Variants in ZNF385D observed in about 807,000 individuals in gnomAD.
ZNF385D encodes zinc finger protein 659.
In ZNF385D, 15 loss-of-function variants were observed where a neutral mutation model predicts 35.8. The ratio of observed to expected loss-of-function variants is 0.42; its 90% confidence interval spans 0.28 to 0.64. The LOEUF is 0.64. ZNF385D is among the 30% of genes least tolerant of loss of function. ZNF385D has a pLI of 0.23. For synonymous variants in ZNF385D, 212 were observed against 186.8 expected, an observed-to-expected ratio of 1.13 and a Z score of -1.10; for missense variants, 474 against 494.6, an observed-to-expected ratio of 0.96 and a Z score of 0.39.
At position 21,787,944 on chromosome 3, in the gene ZNF385D, C is replaced by CAAAAAAAAAAAAAAAAA. The variant is rs560982379; in HGVS notation, c.326-122933_326-122917dup. On this transcript the variant is annotated intron_variant, in intron 3 of 5. Transcript: ENST00000494108. Reference sequence around the variant, plus strand: ...GCGACAGAGCGAGACTTCGTCTCAACAAAAAAAAAAAAAAAAAAAAAAAAA... The same window carrying CAAAAAAAAAAAAAAAAA: ...GCGACAGAGCGAGACTTCGTCTCAACAAAAAAAAAAAAAAAAAAAAAAAAAAAAAAAAAAAAAAAAAA... Among the ~76,000 whole-genome samples, 26 of 75,378 alleles carry CAAAAAAAAAAAAAAAAA rather than the reference C, an allele frequency of 3.4e-4. 1 individual carries two copies. In the East Asian group the frequency reaches 4.0e-3, roughly 12 times the overall value. 49.5% of individuals were successfully genotyped at this position (75,378 alleles called of 152,430 possible). A position where few individuals can be genotyped will look rare whatever the true frequency, so the allele number is the denominator to read the frequency against.
intron 3 of ZNF385D, among the ~76,000 whole-genome samples, chr3:21,990,746 C>A (rs1043231159): frequency 1.3e-5 from 2 of 152,182 alleles, no homozygotes; most frequent in African/African-American, 2.4e-5. Context: ...TCTACAACAT[C>A]TACAGAAAAA....
intron 3 of ZNF385D, among the ~76,000 whole-genome samples, chr3:22,037,687 T>G (rs1460693998): frequency 6.6e-6 from 1 of 152,190 alleles, no homozygotes; most frequent in South Asian, 2.1e-4. Context: ...TAGTTTCTTT[T>G]GCTGTGCAGA....
At chr3:22,002,392 GA>G (rs1695896672) in intron 3 of ZNF385D, among the ~76,000 whole-genome samples, 1 of 152,056 alleles carries the variant, frequency 6.6e-6, no homozygotes, top group South Asian at 2.1e-4. Flanking sequence ...ACTGAAGCAG[GA>G]ATGAACAAAC....
intron 3 of ZNF385D, among the ~76,000 whole-genome samples, chr3:21,525,960 A>G (rs749965738): frequency 4.6e-5 from 7 of 152,074 alleles, no homozygotes; most frequent in Non-Finnish European, 1.0e-4. Context: ...GCATATATTA[A>G]CAATTTACTT....
intron 3 of ZNF385D, among the ~76,000 whole-genome samples, chr3:22,070,096 T>C (rs938591917): frequency 1.5e-4 from 23 of 152,194 alleles, no homozygotes; most frequent in African/African-American, 5.3e-4. Flanking sequence ...TAAAAACACA[T>C]TAATTTCCTA....
chr3:22,262,474 A>G (rs1178531763), intron 2 of ZNF385D, among the ~76,000 whole-genome samples: 1 of 152,006 alleles, frequency 6.6e-6, no homozygotes, highest in East Asian at 1.9e-4. Context: ...TTAAGAATAA[A>G]GAGAAAAAAT....
intron 2 of ZNF385D, among the ~76,000 whole-genome samples, chr3:22,286,576 G>C (rs1702035528): frequency 6.6e-6 from 1 of 151,998 alleles, no homozygotes; most frequent in African/African-American, 2.4e-5. Flanking sequence ...TTGACGCATT[G>C]CATAAGGCGA....
chr3:21,945,649 C>T (rs645017), intron 3 of ZNF385D, among the ~76,000 whole-genome samples: 41,157 of 151,902 alleles, frequency 0.27, 6,219 homozygotes, highest in Admixed American at 0.42. Context: ...AAACTTATTT[C>T]GTTGCTTTTA....
At chr3:21,775,717 G>A (rs116242871) in intron 3 of ZNF385D, among the ~76,000 whole-genome samples, 1,773 of 151,760 alleles carry the variant, frequency 0.012, 10 homozygotes, top group Middle Eastern at 0.045. Flanking sequence ...CAAAGTATTC[G>A]ATGACAGGAA....
intron 1 of ZNF385D, among the ~76,000 whole-genome samples, chr3:21,710,255 T>C (rs369268270): frequency 3.3e-5 from 5 of 152,208 alleles, no homozygotes; most frequent in East Asian, 3.8e-4. Context: ...TCAAAATTTA[T>C]AGGACTAAAG....
intron 3 of ZNF385D, among the ~76,000 whole-genome samples, chr3:21,973,534 C>T (rs1376714312): frequency 6.6e-6 from 1 of 151,930 alleles, no homozygotes; most frequent in East Asian, 1.9e-4. Context: ...ACTTTCACCA[C>T]TGTTATTCAA....
chr3:22,001,390 A>G (rs949951009), intron 3 of ZNF385D, among the ~76,000 whole-genome samples: 1 of 152,168 alleles, frequency 6.6e-6, no homozygotes, highest in Admixed American at 6.5e-5. Context: ...AGAGACAAAG[A>G]AAGTCATTAT....
intron 1 of ZNF385D, among the ~76,000 whole-genome samples, chr3:21,701,917 A>G (rs2067699024): frequency 6.6e-6 from 1 of 152,134 alleles, no homozygotes; most frequent in Non-Finnish European, 1.5e-5. Context: ...CCCCGTCTCT[A>G]TGGCTTTCCA....
chr3:21,550,527 G>T (rs1393452973), intron 3 of ZNF385D, among the ~76,000 whole-genome samples: 1 of 152,158 alleles, frequency 6.6e-6, no homozygotes, highest in Non-Finnish European at 1.5e-5. Flanking sequence ...CTGTTGCCCA[G>T]GCTGGAGTGC....
intron 3 of ZNF385D, among the ~76,000 whole-genome samples, chr3:22,131,555 G>T (rs75149442): frequency 0.039 from 5,912 of 152,180 alleles, 381 homozygotes; most frequent in African/African-American, 0.14. Context: ...TGTATCAGGA[G>T]AGAATGGAAG....
intron 2 of ZNF385D, among the ~76,000 whole-genome samples, chr3:21,602,526 T>TTTTTTTTC (rs1559450291): frequency 2.6e-5 from 2 of 75,976 alleles, no homozygotes; most frequent in African/African-American, 1.1e-4. Context: ...TCTTTTTTTT[T>TTTTTTTTC]TTTTTTTTTT....
chr3:21,702,750 G>A lies in ZNF385D; in HGVS notation c.23-37722C>T, dbSNP rs138113959. On this transcript the variant is annotated intron_variant, in intron 1 of 7. Coordinates refer to ENST00000281523, the MANE Select transcript of ZNF385D (RefSeq NM_024697.3). Reference sequence around the variant, plus strand: ...AGATACCCTAAATCATCTCTCTCACGTTCAAAGTTCCACAAATCTCTATGG... The same window carrying A: ...AGATACCCTAAATCATCTCTCTCACATTCAAAGTTCCACAAATCTCTATGG... Among the ~76,000 whole-genome samples the A allele has an allele frequency of 2.0e-3, 312 of 152,196 alleles. 8 individuals carry two copies. The South Asian group carries it at 0.025, about 12-fold the overall frequency.
chr3:22,008,442 C>G (rs1421463975), intron 3 of ZNF385D, among the ~76,000 whole-genome samples: 3 of 150,170 alleles, frequency 2.0e-5, no homozygotes, highest in Admixed American at 2.0e-4. Context: ...AGGCTCCGCC[C>G]CCCGGAGTTC....
intron 2 of ZNF385D, among the ~76,000 whole-genome samples, chr3:22,360,033 G>T (rs979644414): frequency 2.0e-5 from 3 of 151,814 alleles, no homozygotes; most frequent in South Asian, 2.1e-4. Flanking sequence ...AACAGCTTTG[G>T]CTGGGATTAC....
Sources: gnomAD v4.1 joint callset for allele counts (sites outside exome capture counted in the v4.1 genomes callset) on GRCh38, gnomAD v4.1.1 for gene constraint, MANE v1.5 for transcripts, NCBI Gene and HGNC (gene_info 2026-07-23, HGNC 2026-07-21) for gene names.